The following ATRX variants were observed in gnomAD, a reference collection of about 807,000 sequenced individuals.
ATRX encodes ATRX chromatin remodeler.
ATRX carries 12 observed loss-of-function variants against 172.6 expected under a neutral mutation model. That is an observed-to-expected ratio of 0.07 (90% confidence interval 0.04 to 0.11). The LOEUF (loss-of-function observed/expected upper bound fraction) is 0.11. ATRX is among the 10% of genes least tolerant of loss of function. The probability of loss-of-function intolerance (pLI) is 1.00; values close to 1 mark genes in which losing one functional copy is unlikely to be tolerated. For missense variants in ATRX, 1,368 were observed against 1,767.4 expected (o/e 0.77, Z 4.05); for synonymous variants, 674 against 594.7 (o/e 1.13, Z -1.94).
intron 34 of ATRX, among the ~76,000 whole-genome samples, chrX:77,516,170 C>T (rs34906426): frequency 1.8e-5 from 2 of 111,258 alleles, no homozygotes; most frequent in East Asian, 2.8e-4. Flanking sequence ...ACAACAAACC[C>T]GTGACACAGA....
At chrX:77,538,230 AACAC>A (rs34675782) in intron 30 of ATRX, among the ~76,000 whole-genome samples, 2,050 of 95,918 alleles carry the variant, frequency 0.021, 20 homozygotes, top group Non-Finnish European at 0.033. Context: ...TACACACACA[AACAC>A]ACACACACAC....
At chrX:77,610,726 T>C (rs1280786351) in intron 22 of ATRX, among the ~76,000 whole-genome samples, 1 of 110,022 alleles carries the variant, frequency 9.1e-6, no homozygotes, top group Non-Finnish European at 1.9e-5. Context: ...ATTCTATATA[T>C]TCCTAAATAT....
chrX:77,745,151 A>G (rs2075014214), intron 1 of ATRX, among the ~76,000 whole-genome samples: 1 of 92,881 alleles, frequency 1.1e-5, no homozygotes, highest in Admixed American at 1.2e-4. Context: ...TGGGCAACAG[A>G]GTGAGACCCT....
intron 2 of ATRX, among the ~76,000 whole-genome samples, chrX:77,711,242 C>T (rs782579257): frequency 8.9e-6 from 1 of 111,917 alleles, no homozygotes; most frequent in African/African-American, 3.2e-5. Context: ...AAGCAAACAT[C>T]CTTCACTGTG....
At chrX:77,579,016 G>A (rs781923892) in intron 27 of ATRX, among the ~76,000 whole-genome samples, 6 of 112,113 alleles carry the variant, frequency 5.4e-5, no homozygotes, top group East Asian at 2.8e-4. Context: ...TACTCTCTGC[G>A]GGCCTGTCCT....
At chrX:77,753,182 T>C (rs1557188429) in intron 1 of ATRX, among the ~76,000 whole-genome samples, 1 of 111,537 alleles carries the variant, frequency 9.0e-6, no homozygotes, top group East Asian at 2.8e-4. Context: ...AACTTCTTCC[T>C]GGTTTAGCCT....
In ATRX at chrX:77,557,657, G is replaced by A. The variant is rs1557059697; in HGVS notation, c.6505-12C>T. On this transcript the variant is annotated splice_polypyrimidine_tract_variant and intron_variant, in intron 29 of 34. Transcript: ENST00000373344. ...TCTTCCATGGTTCCCTTTGTAAAAA[G>A]AAGGAAGAATATACAAAAAAATAAA... 1 of 1,187,577 alleles carries A rather than the reference G, an allele frequency of 8.4e-7. No homozygotes were observed. Among genetic ancestry groups the A allele is most frequent in the Admixed American group, 2.3e-5 (1 of 43,002 alleles).
At chrX:77,648,516 C>G (rs1557114986) in intron 15 of ATRX, among the ~76,000 whole-genome samples, 1 of 107,748 alleles carries the variant, frequency 9.3e-6, no homozygotes. Context: ...AGAAAAAGAA[C>G]AGAAAATAAG....
chrX:77,659,974 T>C (rs1557121692), intron 12 of ATRX, among the ~76,000 whole-genome samples: 1 of 111,431 alleles, frequency 9.0e-6, no homozygotes, highest in East Asian at 2.8e-4. Flanking sequence ...TTTTAGAAGT[T>C]TACTCTCTCC....
In ATRX at chrX:77,633,728, T is replaced by C. The variant is rs1557106786; in HGVS notation, c.4810-16A>G. ...AACTTACCACCTATAAGAAAACAGA[T>C]TGTCACCTTCGTTTAAATATCCACA... On this transcript the variant is annotated splice_polypyrimidine_tract_variant and intron_variant, in intron 17 of 34. Transcript: ENST00000373344. 5.0e-6 allele frequency: 6 copies of C among 1,199,673 alleles called. No individual in the cohort carries two copies. Among genetic ancestry groups the C allele is most frequent in the South Asian group, 3.6e-5 (2 of 56,176 alleles).
intron 12 of ATRX, among the ~76,000 whole-genome samples, chrX:77,659,524 C>CACACACACACACAG (rs781808344): frequency 2.0e-5 from 2 of 98,302 alleles, no homozygotes; most frequent in Admixed American, 1.1e-4. Flanking sequence ...CACACACACA[C>CACACACACACACAG]AGGCAGACAC....
At chrX:77,684,757 C>A (rs782745735) in intron 8 of ATRX, among the ~76,000 whole-genome samples, 164 bp from the exon 9 acceptor site, 14 of 112,116 alleles carry the variant, frequency 1.2e-4, no homozygotes, top group Non-Finnish European at 2.1e-4. Context: ...TAATTTAGGT[C>A]ATCTGCTTAC....
intron 15 of ATRX, among the ~76,000 whole-genome samples, chrX:77,642,871 G>A (rs1454713618): frequency 9.0e-6 from 1 of 111,112 alleles, no homozygotes; most frequent in Admixed American, 9.6e-5. Flanking sequence ...GGTGGTGACC[G>A]CCTGTAGTAC....
At chrX:77,782,672 G>C (rs922023490) in intron 1 of ATRX, among the ~76,000 whole-genome samples, 23 of 111,954 alleles carry the variant, frequency 2.1e-4, no homozygotes, top group African/African-American at 7.5e-4. Context: ...AGAATCGCTT[G>C]AACCCAGGAG....
chrX:77,614,332 A>T (rs1221505405), intron 22 of ATRX, among the ~76,000 whole-genome samples: 1 of 111,945 alleles, frequency 8.9e-6, no homozygotes, highest in African/African-American at 3.2e-5. Context: ...TTTTTCAAAG[A>T]GGCTATTTAA....
intron 30 of ATRX, among the ~76,000 whole-genome samples, chrX:77,543,685 AT>A (rs2064110310): frequency 9.0e-6 from 1 of 111,126 alleles, no homozygotes; most frequent in African/African-American, 3.3e-5. Flanking sequence ...GGAAACCATC[AT>A]TCTCTGCAAA....
chrX:77,573,577 C>A (rs980818914), intron 28 of ATRX, among the ~76,000 whole-genome samples: 4 of 111,417 alleles, frequency 3.6e-5, no homozygotes, highest in African/African-American at 1.3e-4. Context: ...CATAATTTAT[C>A]ATTAGGGAAT....
chrX:77,543,539 C>T (rs1208672676), intron 30 of ATRX, among the ~76,000 whole-genome samples: 1 of 111,668 alleles, frequency 9.0e-6, no homozygotes, highest in African/African-American at 3.3e-5. Context: ...TTCACAATAG[C>T]GAAGACTTGG....
chrX:77,770,777 C>T (rs868953836), intron 1 of ATRX, among the ~76,000 whole-genome samples: 3 of 112,180 alleles, frequency 2.7e-5, no homozygotes, highest in Non-Finnish European at 5.6e-5. Context: ...GAATCTTCAT[C>T]AGTATTGACA....
Sources: gnomAD v4.1 joint callset for allele counts (sites outside exome capture counted in the v4.1 genomes callset) on GRCh38, gnomAD v4.1.1 for gene constraint, MANE v1.5 for transcripts, NCBI Gene and HGNC (gene_info 2026-07-23, HGNC 2026-07-21) for gene names.